NRXN1: variants seen among roughly 807,000 people sequenced by gnomAD.
The protein encoded by NRXN1 is neurexin 1.
A neutral mutation model predicts 150.9 loss-of-function variants in NRXN1; 39 were observed. The ratio of observed to expected loss-of-function variants is 0.26; its 90% CI spans 0.20 to 0.34. NRXN1 has a LOEUF of 0.34. Among genes scored for constraint, NRXN1 ranks in the 10% least tolerant of loss-of-function variants. The pLI is 1.00. For missense variants in NRXN1, 1,815 were observed against 1,949.9 expected (o/e 0.93, Z 1.30); for synonymous variants, 924 against 757.0 (o/e 1.22, Z -3.62).
chr2:50,296,477 C>T (rs1455394202), intron 17 of NRXN1, among the ~76,000 whole-genome samples: 1 of 148,842 alleles, frequency 6.7e-6, no homozygotes, highest in East Asian at 2.0e-4. Flanking sequence ...CAGTGTCTGT[C>T]ACTTCCCTCT....
intron 2 of NRXN1, among the ~76,000 whole-genome samples, chr2:50,931,480 C>T (rs181324243): frequency 4.6e-5 from 7 of 151,844 alleles, no homozygotes; most frequent in East Asian, 1.9e-4. Context: ...ATGATATGAC[C>T]GACCTGACAA....
intron 22 of NRXN1, 26 bp downstream of exon 22, chr2:49,943,678 G>T: frequency 2.6e-6 from 4 of 1,511,702 alleles, no homozygotes; most frequent in Middle Eastern, 1.7e-4. Context: ...GTAAAGCCAA[G>T]GAAGTAAGAA....
At chr2:50,132,796 T>C (rs967534195) in intron 18 of NRXN1, among the ~76,000 whole-genome samples, 8 of 151,826 alleles carry the variant, frequency 5.3e-5, no homozygotes, top group African/African-American at 1.9e-4. Flanking sequence ...ACTGTGTGTA[T>C]AGAGAATAGT....
At chr2:50,618,218 T>C (rs1385202541) in intron 8 of NRXN1, among the ~76,000 whole-genome samples, 1 of 152,154 alleles carries the variant, frequency 6.6e-6, no homozygotes, top group Non-Finnish European at 1.5e-5. Flanking sequence ...ATCCCTAGAA[T>C]GGAGTTTCAG....
intron 8 of NRXN1, among the ~76,000 whole-genome samples, chr2:50,613,442 A>G (rs1451308561): frequency 1.3e-5 from 2 of 152,204 alleles, no homozygotes; most frequent in Admixed American, 1.3e-4. Context: ...CAACAAAATG[A>G]CATACTGTAT....
At chr2:50,588,140 C>T (rs577058708) in intron 8 of NRXN1, among the ~76,000 whole-genome samples, 1 of 152,064 alleles carries the variant, frequency 6.6e-6, no homozygotes, top group South Asian at 2.1e-4. Context: ...TGATTCTAGC[C>T]TATGTTCTAG....
At chr2:50,833,730 T>G (rs530476356) in intron 5 of NRXN1, among the ~76,000 whole-genome samples, 2 of 152,196 alleles carry the variant, frequency 1.3e-5, no homozygotes, top group Non-Finnish European at 2.9e-5. Flanking sequence ...GTAGTGGTGG[T>G]TATACAAAAC....
At chr2:50,455,032 A>G (rs1437822479) in intron 17 of NRXN1, among the ~76,000 whole-genome samples, 1 of 152,164 alleles carries the variant, frequency 6.6e-6, no homozygotes, top group African/African-American at 2.4e-5. Context: ...GGATGAAGGC[A>G]TAAAGAAAAG....
chr2:50,525,792 C>A (rs1424206725), intron 12 of NRXN1, among the ~76,000 whole-genome samples: 3 of 152,096 alleles, frequency 2.0e-5, no homozygotes, highest in Admixed American at 6.6e-5. Flanking sequence ...TTTAAGGATG[C>A]TTGACAGCTT....
rs540463375 is a variant in NRXN1, at chr2:50,372,925, C to A, written c.3364+92517G>T. Among the ~76,000 whole-genome samples, 9 of 152,110 alleles carry A rather than the reference C, an allele frequency of 5.9e-5. No homozygotes were observed. In the South Asian group the frequency reaches 1.9e-3, roughly 31 times the overall value. ...TCAAAAACACACCTTACCATACCTG[C>A]TTCTTGGGACTCCCACTGCAAATGA... On this transcript the variant is annotated intron_variant, in intron 17 of 22. Coordinates refer to ENST00000401669, the MANE Select transcript of NRXN1 (RefSeq NM_001330078.2).
At chr2:50,252,669 A>G (rs570859211) in intron 17 of NRXN1, among the ~76,000 whole-genome samples, 323 of 152,200 alleles carry the variant, frequency 2.1e-3, no homozygotes, top group African/African-American at 7.3e-3. Flanking sequence ...CCATTTATTA[A>G]TTAGGGAATC....
At chr2:50,555,090 G>C (rs1315533620) in intron 8 of NRXN1, among the ~76,000 whole-genome samples, 1 of 152,116 alleles carries the variant, frequency 6.6e-6, no homozygotes, top group Non-Finnish European at 1.5e-5. Context: ...TTCTCTCTAT[G>C]ACTTTCATGC....
intron 21 of NRXN1, among the ~76,000 whole-genome samples, chr2:49,951,210 G>T (rs1019078596): frequency 4.0e-5 from 6 of 151,798 alleles, no homozygotes; most frequent in Admixed American, 2.6e-4. Flanking sequence ...AAGTTATGGG[G>T]AAAAGAATAA....
At chr2:50,055,082 T>C in intron 19 of NRXN1, 38 bp from the exon 20 acceptor site, 1 of 1,402,250 alleles carries the variant, frequency 7.1e-7, no homozygotes, top group South Asian at 1.3e-5. Flanking sequence ...GGTTAAAATC[T>C]GTAAGGTCAA....
intron 21 of NRXN1, among the ~76,000 whole-genome samples, chr2:49,948,541 A>C (rs1236236819): frequency 6.6e-6 from 1 of 152,088 alleles, no homozygotes; most frequent in Non-Finnish European, 1.5e-5. Flanking sequence ...AAAGACCTCA[A>C]ATCAATAGAT....
chr2:49,989,430 GA>G (rs1263312051), intron 21 of NRXN1, among the ~76,000 whole-genome samples: 1 of 152,154 alleles, frequency 6.6e-6, no homozygotes, highest in Non-Finnish European at 1.5e-5. Flanking sequence ...TCTATTTGAA[GA>G]AAGTCAGAAA....
At chr2:50,526,712 A>T (rs2092961571) in intron 12 of NRXN1, 1 of 152,188 alleles carries the variant, frequency 6.6e-6, no homozygotes, top group South Asian at 2.1e-4. Flanking sequence ...TTACCTGTTC[A>T]TTGAATGTTC....
At chr2:50,599,870 T>C (rs1313393542) in intron 8 of NRXN1, among the ~76,000 whole-genome samples, 4 of 152,144 alleles carry the variant, frequency 2.6e-5, no homozygotes, top group Non-Finnish European at 4.4e-5. Flanking sequence ...GTTTTGTCAG[T>C]TGATGGGGTG....
At chr2:50,091,302 G>C (rs200708986) in intron 19 of NRXN1, 21 bp downstream of exon 19, 1 of 1,613,380 alleles carries the variant, frequency 6.2e-7, no homozygotes, top group Non-Finnish European at 8.5e-7. Flanking sequence ...ATCTTCCCCC[G>C]ATACATATTC....
Sources: gnomAD v4.1 joint callset for allele counts (sites outside exome capture counted in the v4.1 genomes callset) on GRCh38, gnomAD v4.1.1 for gene constraint, MANE v1.5 for transcripts, NCBI Gene and HGNC (gene_info 2026-07-23, HGNC 2026-07-21) for gene names.